The following CCSER1 variants were observed in gnomAD, a reference collection of about 807,000 sequenced individuals.
The protein encoded by CCSER1 is serine-rich coiled-coil domain-containing protein 1.
Under a neutral mutation model 82.0 loss-of-function variants are expected in CCSER1, and 41 were observed. That is an observed-to-expected ratio of 0.50 (90% CI 0.39 to 0.65). The LOEUF is 0.65. Ranked by LOEUF, CCSER1 falls within the 30% of genes least tolerant of loss-of-function variation. The pLI is 0.00. For synonymous variants in CCSER1, 414 were observed against 383.9 expected (o/e 1.08, Z -0.92); for missense variants, 1,119 against 1,064.2 (o/e 1.05, Z -0.72).
intron 1 of CCSER1, among the ~76,000 whole-genome samples, chr4:90,271,758 T>TA (rs1726317493): frequency 7.4e-6 from 1 of 134,998 alleles, no homozygotes; most frequent in Non-Finnish European, 1.5e-5. Context: ...AAGGAATTAA[T>TA]AACCAGATTA....
intron 10 of CCSER1, among the ~76,000 whole-genome samples, chr4:91,379,360 G>A (rs1241704025): frequency 2.6e-5 from 4 of 152,114 alleles, no homozygotes; most frequent in Non-Finnish European, 2.9e-5. Context: ...GGTAGAATTC[G>A]GCTGTGAATC....
At chr4:90,861,627 A>C (rs1343484986) in intron 8 of CCSER1, among the ~76,000 whole-genome samples, 1 of 151,780 alleles carries the variant, frequency 6.6e-6, no homozygotes, top group African/African-American at 2.4e-5. Flanking sequence ...ACAAAAAGTT[A>C]ACTAATTAAG....
chr4:91,003,045 A>G (rs568049430), intron 9 of CCSER1, among the ~76,000 whole-genome samples: 1 of 152,242 alleles, frequency 6.6e-6, no homozygotes, highest in South Asian at 2.1e-4. Context: ...CAGTAGGTCT[A>G]CCAGGCTCCA....
At chr4:90,252,062 T>A (rs1239760547) in intron 1 of CCSER1, among the ~76,000 whole-genome samples, 1 of 151,916 alleles carries the variant, frequency 6.6e-6, no homozygotes, top group Non-Finnish European at 1.5e-5. Flanking sequence ...TGTGAGATGC[T>A]TCTTTTTAAA....
At chr4:91,055,779 T>C (rs113418632) in intron 9 of CCSER1, among the ~76,000 whole-genome samples, 18 of 136,648 alleles carry the variant, frequency 1.3e-4, no homozygotes, top group African/African-American at 3.8e-4. Context: ...TCTATACCTC[T>C]CTCCCTCCCT....
chr4:91,324,957 G>T (rs531862028), intron 10 of CCSER1, among the ~76,000 whole-genome samples: 1 of 152,188 alleles, frequency 6.6e-6, no homozygotes, highest in African/African-American at 2.4e-5. Flanking sequence ...TAGTGTTGAA[G>T]GTGGGGCCTG....
intron 10 of CCSER1, among the ~76,000 whole-genome samples, chr4:91,284,491 T>C (rs2149207689): frequency 1.3e-5 from 2 of 152,218 alleles, no homozygotes; most frequent in South Asian, 4.1e-4. Context: ...TGCATTTCAG[T>C]TCGGGAGATT....
chr4:91,477,550 G>C (rs1402634666), intron 10 of CCSER1, among the ~76,000 whole-genome samples: 1 of 151,442 alleles, frequency 6.6e-6, no homozygotes, highest in Non-Finnish European at 1.5e-5. Flanking sequence ...TGTCCTATAG[G>C]TTTAATAACA....
chr4:90,197,828 C>CA lies in CCSER1; in HGVS notation c.-42+70008dup, dbSNP rs75764700. Among the ~76,000 whole-genome samples the CA allele has an allele frequency of 2.7e-3, 374 of 138,912 alleles. 2 individuals carry two copies. Among genetic ancestry groups the CA allele is most frequent in the South Asian group, 8.9e-3 (39 of 4,396 alleles). 91.1% of individuals were successfully genotyped at this position (138,912 alleles called of 152,430 possible). A position where few individuals can be genotyped will look rare whatever the true frequency, so the allele number is the denominator to read the frequency against. On this transcript the variant is annotated intron_variant, in intron 1 of 10. Coordinates refer to ENST00000509176, the MANE Select transcript of CCSER1 (RefSeq NM_001145065.2). ...TGGAGGTGGGGACAGTTAATGGTTA[C>CA]AAAAAAAAAAATAGAATGACTAAGC...
At chr4:91,126,569 C>T (rs1375009285) in intron 10 of CCSER1, among the ~76,000 whole-genome samples, 1 of 151,772 alleles carries the variant, frequency 6.6e-6, no homozygotes, top group South Asian at 2.1e-4. Flanking sequence ...GTTATATGGT[C>T]TATAAATTAG....
chr4:90,880,775 G>T (rs1721184846), intron 8 of CCSER1, among the ~76,000 whole-genome samples: 1 of 152,106 alleles, frequency 6.6e-6, no homozygotes, highest in Non-Finnish European at 1.5e-5. Context: ...AGTCACCTCA[G>T]ATTTTCCTGT....
chr4:90,707,159 ATT>A (rs1172747915), intron 6 of CCSER1, among the ~76,000 whole-genome samples: 3 of 151,854 alleles, frequency 2.0e-5, no homozygotes, highest in Admixed American at 6.6e-5. Flanking sequence ...CATGTTCATT[ATT>A]TCCAATGTTG....
intron 1 of CCSER1, among the ~76,000 whole-genome samples, chr4:90,259,991 A>C (rs1724025472): frequency 6.6e-6 from 1 of 152,098 alleles, no homozygotes; most frequent in Non-Finnish European, 1.5e-5. Flanking sequence ...CGAATGACTT[A>C]GGGAAGATTC....
intron 8 of CCSER1, among the ~76,000 whole-genome samples, chr4:90,892,846 C>A (rs1723150692): frequency 6.6e-6 from 1 of 152,048 alleles, no homozygotes; most frequent in South Asian, 2.1e-4. Flanking sequence ...CATTGCATTA[C>A]TAATGCCTGG....
chr4:90,511,526 G>C (rs1252536702), intron 5 of CCSER1, among the ~76,000 whole-genome samples: 1 of 152,216 alleles, frequency 6.6e-6, no homozygotes, highest in Non-Finnish European at 1.5e-5. Flanking sequence ...AAAGGAGTTA[G>C]AGTTGGTGCA....
chr4:90,216,106 C>A (rs775472477), intron 1 of CCSER1, among the ~76,000 whole-genome samples: 16 of 152,124 alleles, frequency 1.1e-4, no homozygotes, highest in African/African-American at 3.6e-4. Flanking sequence ...ATAACACAGA[C>A]CCTTGCTACT....
intron 10 of CCSER1, among the ~76,000 whole-genome samples, chr4:91,538,698 C>CATATATATATATATATAATATATAT (rs1553952293): frequency 7.2e-6 from 1 of 138,340 alleles, no homozygotes; most frequent in Non-Finnish European, 1.5e-5. Flanking sequence ...TATATATACA[C>CATATATATATATATATAATATATAT]ATATATATAT....
At chr4:90,213,690 T>C (rs1740468934) in intron 1 of CCSER1, among the ~76,000 whole-genome samples, 1 of 152,168 alleles carries the variant, frequency 6.6e-6, no homozygotes, top group Non-Finnish European at 1.5e-5. Context: ...TTTGTTGTAC[T>C]CGACGCCAAG....
chr4:91,532,687 T>C (rs1761094946), intron 10 of CCSER1, among the ~76,000 whole-genome samples: 1 of 147,740 alleles, frequency 6.8e-6, no homozygotes, highest in African/African-American at 2.5e-5. Context: ...GGTAACATGA[T>C]GAAACCCATT....
Sources: allele counts gnomAD v4.1 joint callset (sites outside exome capture counted in the v4.1 genomes callset), GRCh38; gene constraint gnomAD v4.1.1; transcripts MANE v1.5; gene names NCBI Gene and HGNC (gene_info 2026-07-23, HGNC 2026-07-21).